The following DNAH17 variants were observed in gnomAD, a reference collection of about 807,000 sequenced individuals.
DNAH17 encodes dynein axonemal heavy chain 17.
In DNAH17, 376 loss-of-function variants were observed where a neutral mutation model predicts 485.6. The ratio of observed to expected loss-of-function variants is 0.77; its 90% CI spans 0.71 to 0.84. DNAH17 has a LOEUF of 0.84. Ranked by LOEUF, DNAH17 falls within the 40% of genes least tolerant of loss-of-function variation. The pLI is 0.00. For missense variants in DNAH17, 6,370 were observed against 5,839.3 expected (o/e 1.09, Z -2.96); for synonymous variants, 3,031 against 2,405.9 (o/e 1.26, Z -7.60).
At chr17:78,495,540 C>T (rs1464363248) in intron 38 of DNAH17, among the ~76,000 whole-genome samples, 2 of 151,442 alleles carry the variant, frequency 1.3e-5, no homozygotes, top group East Asian at 3.9e-4. Context: ...CAGGTTCAAG[C>T]GATTCTCCTG....
Position 78,510,934 on chromosome 17 carries a change from G to A in DNAH17, c.4114-428C>T, listed in dbSNP as rs2090620505. Among the ~76,000 whole-genome samples, 3 of 152,210 alleles carry A rather than the reference G, an allele frequency of 2.0e-5. No homozygotes were observed. The South Asian group carries it at 6.2e-4, about 32-fold the overall frequency. ...GGACATCTGAGGCACACAGGAAAGA[G>A]GGCCTTGTGGAGACCAAGGCAGAGA... is the stretch of plus-strand genomic sequence containing the variant. On this transcript the variant is annotated intron_variant, in intron 26 of 80. Coordinates refer to ENST00000389840, the MANE Select transcript of DNAH17 (RefSeq NM_173628.4).
In DNAH17 at chr17:78,454,666, G is replaced by T; in HGVS notation, c.10210C>A (p.Leu3404Met). 6.2e-7 allele frequency: 1 copy of T among 1,612,976 alleles called. No homozygotes were observed. The change falls in exon 64 of 81, where the codon CTG becomes ATG. Residue 3404 changes from leucine (L) to methionine (M), a missense_variant. By Grantham distance (15) the Leu-to-Met change is conservative. Coordinates refer to ENST00000389840, the MANE Select transcript of DNAH17 (RefSeq NM_173628.4). Reference sequence around the variant, plus strand: ...GCCACGTCCGCGTCATCTGTCAGCAGGCTCAAGGGATCCAGGCCATTCGTG... The same window carrying T: ...GCCACGTCCGCGTCATCTGTCAGCATGCTCAAGGGATCCAGGCCATTCGTG... Reference protein sequence around the residue: ...PITNGLDPLSLLTDDADVATW... With the variant: ...PITNGLDPLSMLTDDADVATW...
chr17:78,526,749 G>A lies in DNAH17; in HGVS notation c.3625-12C>T, dbSNP rs760088034. ...TCATGTTGCTTGAGCTGCGAGAGAA[G>A]AGTGCAAAGTACAGAGAGTCACGGG... is the stretch of plus-strand genomic sequence containing the variant. On this transcript the variant is annotated splice_polypyrimidine_tract_variant and intron_variant, in intron 23 of 80. Transcript: ENST00000389840. 5.0e-6 allele frequency: 8 copies of A among 1,601,840 alleles called. No homozygotes were observed. The highest frequency in any genetic ancestry group is 1.3e-5 in the African/African-American group (1 of 74,684).
chr17:78,475,651 C>CA lies in DNAH17; in HGVS notation c.8319+17dup. 6.2e-7 allele frequency: 1 copy of CA among 1,612,154 alleles called. No individual in the cohort carries two copies. Among genetic ancestry groups the CA allele is most frequent in the Non-Finnish European group, 8.5e-7 (1 of 1,178,944 alleles). ...GGTCCAGGTCCCGTGCCCTTGCTATCAGCTCCAGCCTGCTCACCAAATTCA... is the reference window on the plus strand; with the variant it reads ...GGTCCAGGTCCCGTGCCCTTGCTATCAAGCTCCAGCCTGCTCACCAAATTCA... On this transcript the variant is annotated intron_variant, in intron 53 of 80. Coordinates refer to ENST00000389840, the MANE Select transcript of DNAH17 (RefSeq NM_173628.4).
At chr17:78,468,558 C>A (rs559773608) in intron 55 of DNAH17, 59 bp downstream of exon 55, 2 of 1,556,968 alleles carry the variant, frequency 1.3e-6, no homozygotes, top group Admixed American at 3.8e-5. Context: ...AACCCATACC[C>A]TGTAGGCCAC....
At chr17:78,503,140 G>T in intron 31 of DNAH17, 129 bp from the exon 32 acceptor site, 3 of 848,776 alleles carry the variant, frequency 3.5e-6, no homozygotes, top group Non-Finnish European at 5.0e-6. Flanking sequence ...ACAGGTCAAG[G>T]ATTTTACAGA....
chr17:78,491,812 G>A (rs1196694881), intron 42 of DNAH17, among the ~76,000 whole-genome samples: 4 of 152,204 alleles, frequency 2.6e-5, no homozygotes, highest in Admixed American at 1.3e-4. Context: ...CACCCTCCCT[G>A]TCAGCCCCTC....
At position 78,561,832 on chromosome 17, in the gene DNAH17, C is replaced by A; in HGVS notation, c.1718G>T (p.Gly573Val). 1 of 1,613,908 alleles carries A rather than the reference C, an allele frequency of 6.2e-7. No individual in the cohort carries two copies. The highest frequency in any genetic ancestry group is 1.1e-5 in the South Asian group (1 of 91,066). Residue 573 changes from glycine to valine, a missense_variant, in exon 12 of 81, where the codon GGG (glycine) becomes GTG (valine). Gly to Val is a moderately radical substitution (Grantham distance 109, BLOSUM62 -3). Transcript: ENST00000389840. ...YDAQMAASEE[G>V]NIPLIHKNMP... ...GTTTTTGTGGATCAGGGGGATGTTC[C>A]CCTCCTCGGAGGCCGCCATCTGGGC... is the stretch of plus-strand genomic sequence containing the variant.
Position 78,437,697 on chromosome 17 carries a change from C to T in DNAH17, c.11977G>A (p.Glu3993Lys), listed in dbSNP as rs1271447970. 15 of 1,612,024 alleles carry T rather than the reference C, an allele frequency of 9.3e-6. No homozygotes were observed. The highest frequency in any genetic ancestry group is 5.5e-5 in the South Asian group (5 of 91,008). The stretch of plus-strand genomic sequence containing the variant: ...TTGGCGTGCATGCCCGTGGGGGGCT[C>T]GTTGGTGATCTTGATGGCGTTCTCC... ...ILENAIKITN[E>K]PPTGMHANLH... Residue 3993 changes from glutamate to lysine, a missense_variant, in exon 74 of 81, where the codon GAG becomes AAG. Transcript: ENST00000389840.
At position 78,445,606 on chromosome 17, in the gene DNAH17, C is replaced by T. The variant is rs2087251080; in HGVS notation, c.11286G>A (p.Val3762=). 1 of 1,565,084 alleles carries T rather than the reference C, an allele frequency of 6.4e-7. No individual in the cohort carries two copies. Among genetic ancestry groups the T allele is most frequent in the African/African-American group, 1.4e-5 (1 of 73,626 alleles). Reference sequence around the variant, plus strand: ...GCTGGAGGAAGTCCACTGGTGAGACCACTCCGGCCTTAAAAGGGAACCGCA... The same window carrying T: ...GCTGGAGGAAGTCCACTGGTGAGACTACTCCGGCCTTAAAAGGGAACCGCA... ...FLLRFPFKAG[V]VSPVDFLQHQ... The change falls in exon 70 of 81, where the codon GTG becomes GTA. Residue 3762 remains valine (V), a synonymous_variant. Coordinates refer to ENST00000389840, the MANE Select transcript of DNAH17 (RefSeq NM_173628.4).
chr17:78,504,836 C>T (rs2146733263), intron 31 of DNAH17, among the ~76,000 whole-genome samples: 1 of 149,610 alleles, frequency 6.7e-6, no homozygotes, highest in South Asian at 2.1e-4. Flanking sequence ...TGTGCAACCC[C>T]TTTTAAAGCA....
chr17:78,460,078 A>T, intron 59 of DNAH17, 77 bp from the exon 60 acceptor site: 1 of 1,590,470 alleles, frequency 6.3e-7, no homozygotes, highest in South Asian at 1.1e-5. Flanking sequence ...AGCCGCCATG[A>T]GTGTGTCACC....
At chr17:78,448,033 A>T (rs1031244477) in intron 69 of DNAH17, among the ~76,000 whole-genome samples, 6 of 152,034 alleles carry the variant, frequency 3.9e-5, no homozygotes, top group Non-Finnish European at 7.4e-5. Flanking sequence ...TTAGCCAGGC[A>T]TGGTGGTGCA....
In DNAH17 at chr17:78,574,219, A is replaced by G. The variant is rs375457857; in HGVS notation, c.345+494T>C. On this transcript the variant is annotated intron_variant, in intron 2 of 80. Coordinates refer to ENST00000389840, the MANE Select transcript of DNAH17 (RefSeq NM_173628.4). ...GACAGCAGGTCTGTGGCCGGGCATG[A>G]TGGCTCACGCCTATAATCCCAACAG... is the stretch of plus-strand genomic sequence containing the variant. Among the ~76,000 whole-genome samples, 251 of 152,278 alleles carry G rather than the reference A, an allele frequency of 1.6e-3. 1 individual carries two copies. Among genetic ancestry groups the G allele is most frequent in the African/African-American group, 5.7e-3 (235 of 41,562 alleles).
chr17:78,473,667 C>T (rs898027982), intron 54 of DNAH17, among the ~76,000 whole-genome samples: 2 of 150,742 alleles, frequency 1.3e-5, no homozygotes, highest in Non-Finnish European at 2.9e-5. Context: ...TAAAATAGTA[C>T]CGCTGAGGCT....
chr17:78,431,478 G>A (rs563439413), intron 75 of DNAH17, among the ~76,000 whole-genome samples: 1 of 151,836 alleles, frequency 6.6e-6, no homozygotes, highest in South Asian at 2.1e-4. Flanking sequence ...TGGGGGAGCT[G>A]TAGCTCTCAG....
chr17:78,523,884 G>C (rs1276555361), intron 25 of DNAH17, among the ~76,000 whole-genome samples: 1 of 152,224 alleles, frequency 6.6e-6, no homozygotes, highest in Non-Finnish European at 1.5e-5. Flanking sequence ...ACCCCAGCCT[G>C]GGCAACAGAG....
chr17:78,490,361 G>A (rs1033896974), intron 44 of DNAH17, among the ~76,000 whole-genome samples: 7 of 152,126 alleles, frequency 4.6e-5, no homozygotes, highest in Non-Finnish European at 8.8e-5. Flanking sequence ...ACCCCTTAGA[G>A]GCAGCCTGAC....
chr17:78,556,169 A>T (rs1204312737), intron 14 of DNAH17, among the ~76,000 whole-genome samples: 1 of 149,316 alleles, frequency 6.7e-6, no homozygotes, highest in Non-Finnish European at 1.5e-5. Context: ...CACCTATATA[A>T]TCTATCCATC....
Sources: allele counts gnomAD v4.1 joint callset (sites outside exome capture counted in the v4.1 genomes callset), GRCh38; gene constraint gnomAD v4.1.1; transcripts MANE v1.5; gene names NCBI Gene and HGNC (gene_info 2026-07-23, HGNC 2026-07-21).